Variants in FAN1 observed in about 807,000 individuals in gnomAD.
The protein encoded by FAN1 is FANCD2 and FANCI associated nuclease 1.
FAN1 carries 91 observed loss-of-function variants against 104.9 expected under a neutral mutation model. The observed-to-expected ratio is 0.87, with a 90% CI of 0.73 to 1.03. The LOEUF is 1.03. FAN1 is among the 50% of genes least tolerant of loss of function. The pLI is 0.00. For missense variants in FAN1, 1,263 were observed against 1,239.9 expected (o/e 1.02, Z -0.28); for synonymous variants, 478 against 457.6 (o/e 1.04, Z -0.57).
At chr15:30,917,416 C>G (rs2062218927) in intron 5 of FAN1, among the ~76,000 whole-genome samples, 1 of 152,064 alleles carries the variant, frequency 6.6e-6, no homozygotes, top group Non-Finnish European at 1.5e-5. Flanking sequence ...GAATGAGCAG[C>G]ATATTATAAA....
At chr15:30,938,882 C>CCTT in intron 14 of FAN1, 1 of 962,376 alleles carries the variant, frequency 1.0e-6, no homozygotes, top group South Asian at 4.8e-5. Flanking sequence ...GGAGAAGATG[C>CCTT]CTTCACCTCT....
chr15:30,925,067 T>C (rs2062425135), intron 8 of FAN1, 60 bp from the exon 9 acceptor site: 5 of 1,529,004 alleles, frequency 3.3e-6, no homozygotes, highest in Non-Finnish European at 3.5e-6. Flanking sequence ...TCAAACTAAA[T>C]GCATGGAAGC....
intron 10 of FAN1, 47 bp from the exon 11 acceptor site, chr15:30,928,506 T>TTTTG (rs143970863): frequency 4.7e-6 from 7 of 1,484,520 alleles, no homozygotes; most frequent in South Asian, 2.7e-5. Context: ...AAAACAGATT[T>TTTTG]TGTGTGTGTG....
In FAN1 at chr15:30,937,109, T is replaced by C; in HGVS notation, c.2917-10T>C. On this transcript the variant is annotated splice_polypyrimidine_tract_variant and intron_variant, in intron 13 of 14. Transcript: ENST00000362065. ...ATACTAATAACAACTTTTAAAAATT[T>C]CTTTTCCAGCTGGTGGAAGTTAAAG... The C allele has an allele frequency of 6.2e-7, 1 of 1,604,734 alleles. No homozygotes were observed. The highest frequency in any genetic ancestry group is 1.1e-5 in the South Asian group (1 of 88,864).
chr15:30,917,049 GTGGGGGTGGACAGGAC>G (rs1216551956), intron 5 of FAN1, among the ~76,000 whole-genome samples: 4 of 152,228 alleles, frequency 2.6e-5, no homozygotes, highest in Non-Finnish European at 5.9e-5. Flanking sequence ...TGGCTAAGAT[GTGGGGGTGGACAGGAC>G]TGGGTTGTTG....
rs1566905017 is a variant in FAN1 at position 30,904,646 on chromosome 15, C to G, written c.-18C>G. On this transcript the variant is annotated 5_prime_UTR_variant, in exon 2 of 15. In the 5' UTR this introduces an upstream ATG that the reference lacks. Transcript: ENST00000362065. ...TCCTGTGTTTTATTGCTCAGAACAT[C>G]CAGTTTTTCTAATACTCATGATGTC... 6.2e-7 allele frequency: 1 copy of G among 1,607,858 alleles called. No homozygotes were observed. The highest frequency in any genetic ancestry group is 1.7e-5 in the Admixed American group (1 of 58,850).
At chr15:30,922,090 C>G in intron 7 of FAN1, 145 bp from the exon 8 acceptor site, 1 of 1,020,640 alleles carries the variant, frequency 9.8e-7, no homozygotes, top group Non-Finnish European at 1.4e-6. Flanking sequence ...AGTCCCTGTC[C>G]TGTCAGTTCG....
rs115670100 is a variant in FAN1 at position 30,904,248 on chromosome 15, G to T, written c.-153+237G>T. ...GTGGTCTTGTAAAGGGTCTGAAGTGGTCAAATTGTCCCTTTTTAGAAACGG... is the reference window on the plus strand; with the variant it reads ...GTGGTCTTGTAAAGGGTCTGAAGTGTTCAAATTGTCCCTTTTTAGAAACGG... On this transcript the variant is annotated intron_variant, in intron 1 of 14. Coordinates refer to ENST00000362065, the MANE Select transcript of FAN1 (RefSeq NM_014967.5). 4.6e-3 allele frequency among the ~76,000 whole-genome samples: 705 copies of T among 152,314 alleles called. 4 individuals are homozygous for T. Among genetic ancestry groups the T allele is most frequent in the African/African-American group, 0.016 (684 of 41,572 alleles).
In FAN1 at chr15:30,904,823, T is replaced by A. The variant is rs2061935554; in HGVS notation, c.160T>A (p.Tyr54Asn). ...CPVCSKMVPR[Y>N]DLNRHLDEMC... The stretch of plus-strand genomic sequence containing the variant: ...CGTTTGCAGTAAAATGGTGCCTAGA[T>A]ATGACTTAAACCGGCACCTTGATGA... Residue 54 changes from tyrosine to asparagine, a missense_variant, in exon 2 of 15, where the codon TAT becomes AAT. Tyr to Asn is a moderately radical substitution (Grantham distance 143, BLOSUM62 -2). This residue lies in a region of FAN1 where 682 missense variants were observed against 571.1 expected (regional missense o/e 1.19). Coordinates refer to ENST00000362065, the MANE Select transcript of FAN1 (RefSeq NM_014967.5). The A allele has an allele frequency of 6.2e-7, 1 of 1,613,480 alleles. No homozygotes were observed. Among genetic ancestry groups the A allele is most frequent in the Admixed American group, 1.7e-5 (1 of 59,998 alleles).
chr15:30,921,552 T>TTTG (rs1303035874), intron 7 of FAN1, among the ~76,000 whole-genome samples: 1 of 152,200 alleles, frequency 6.6e-6, no homozygotes, highest in Non-Finnish European at 1.5e-5. Flanking sequence ...AAATGGGATC[T>TTTG]TACAAAGAGG....
intron 5 of FAN1, among the ~76,000 whole-genome samples, chr15:30,916,333 C>T (rs2062198162): frequency 6.6e-6 from 1 of 152,130 alleles, no homozygotes; most frequent in Non-Finnish European, 1.5e-5. Context: ...TTCTTACAGA[C>T]ATGTGTGGGG....
intron 12 of FAN1, among the ~76,000 whole-genome samples, chr15:30,929,664 AAT>A (rs1341184504): frequency 1.0e-4 from 7 of 67,874 alleles, no homozygotes; most frequent in South Asian, 4.2e-4. Flanking sequence ...TAATATATGA[AAT>A]ATATAATATA....
intron 14 of FAN1, among the ~76,000 whole-genome samples, chr15:30,938,507 A>G (rs2062931717): frequency 6.6e-6 from 1 of 152,054 alleles, no homozygotes; most frequent in Non-Finnish European, 1.5e-5. Context: ...CCTAATAACT[A>G]GATAGGGGTA....
intron 2 of FAN1, 145 bp from the exon 3 acceptor site, chr15:30,907,973 T>G: frequency 5.7e-6 from 3 of 529,618 alleles, no homozygotes; most frequent in Non-Finnish European, 9.1e-6. Context: ...AATTTTTAAA[T>G]GTACTTTCAA....
At chr15:30,918,114 C>CT in intron 5 of FAN1, 50 bp from the exon 6 acceptor site, 44 of 1,604,198 alleles carry the variant, frequency 2.7e-5, no homozygotes, top group Non-Finnish European at 3.7e-5. Context: ...TGTGGTCATT[C>CT]TATGGGAATG....
intron 14 of FAN1, chr15:30,940,299 TCAAG>T: frequency 2.0e-6 from 2 of 985,390 alleles, no homozygotes; most frequent in South Asian, 4.7e-5. Context: ...GAGATTCAGA[TCAAG>T]CAAACAACTG....
At position 30,939,561 on chromosome 15, in the gene FAN1, A is replaced by G. The variant is rs374168005; in HGVS notation, c.*4-2005A>G. ...TAAAAGTATTTTACATTTGATTATC[A>G]TACAAAAATATGCATTTTTCTATTT... On this transcript the variant is annotated intron_variant, in intron 14 of 14. Transcript: ENST00000362065. 2.6e-4 allele frequency: 252 copies of G among 963,484 alleles called. 3 individuals carry two copies. In the South Asian group the frequency reaches 9.1e-3, roughly 35 times the overall value. The allele number at this position is 963,484 out of a possible 1,614,324, so 59.7% of individuals were successfully genotyped here.
chr15:30,920,674 C>A, intron 7 of FAN1, 21 bp downstream of exon 7: 2 of 1,397,856 alleles, frequency 1.4e-6, no homozygotes, highest in Non-Finnish European at 2.0e-6. Context: ...AGGTCCCTGC[C>A]CCCCACCATT....
In FAN1 at chr15:30,908,163, G is replaced by A. The variant is rs1007251410; in HGVS notation, c.1280G>A (p.Ser427Asn). The A allele has an allele frequency of 1.2e-6, 2 of 1,610,390 alleles. No homozygotes were observed. The highest frequency in any genetic ancestry group is 1.7e-4 in the Middle Eastern group (1 of 6,058). The change falls in exon 3 of 15, where the codon AGC becomes AAC. Residue 427 changes from serine to asparagine, a missense_variant. Coordinates refer to ENST00000362065, the MANE Select transcript of FAN1 (RefSeq NM_014967.5). ...LYVRLFQRKL[S>N]WIKMTKLEYE... ...GTAAGGCTCTTTCAACGTAAATTAA[G>A]CTGGATTAAGATGACCAAATTAGAG...
Sources: gnomAD v4.1 joint callset for allele counts (sites outside exome capture counted in the v4.1 genomes callset) on GRCh38, gnomAD v4.1.1 for gene constraint, gnomAD v4.1.1 regional missense constraint, MANE v1.5 for transcripts, NCBI Gene and HGNC (gene_info 2026-07-23, HGNC 2026-07-21) for gene names.